The following USP13 variants were observed in gnomAD, a reference collection of about 807,000 sequenced individuals.
USP13 encodes the protein ubiquitin specific peptidase 13, also known as ubiquitin carboxyl-terminal hydrolase 13.
Under a neutral mutation model 107.8 loss-of-function variants are expected in USP13, and 68 were observed. The ratio of observed to expected loss-of-function variants is 0.63; its 90% CI spans 0.52 to 0.77. The LOEUF (loss-of-function observed/expected upper bound fraction) is 0.77. Among genes scored for constraint, USP13 ranks in the 30% least tolerant of loss-of-function variants. The probability of loss-of-function intolerance (pLI) is 0.00; values close to 1 mark genes in which losing one functional copy is unlikely to be tolerated. For missense variants in USP13, 945 were observed against 1,093.3 expected (o/e 0.86, Z 1.91); for synonymous variants, 377 against 389.5 (o/e 0.97, Z 0.38).
intron 10 of USP13, among the ~76,000 whole-genome samples, chr3:179,731,244 C>T (rs1278111669): frequency 6.6e-6 from 1 of 152,122 alleles, no homozygotes; most frequent in Non-Finnish European, 1.5e-5. Flanking sequence ...AACCCTGTCT[C>T]TACTAAAAAT....
chr3:179,659,157 ACT>A (rs1005617604), intron 1 of USP13, among the ~76,000 whole-genome samples: 5 of 151,800 alleles, frequency 3.3e-5, no homozygotes, highest in African/African-American at 1.2e-4. Flanking sequence ...GTCTTTGGAA[ACT>A]CTGATGGACA....
In USP13 at chr3:179,787,210, C is replaced by G. The variant is rs1411961925; in HGVS notation, c.*3069C>G. The G allele has an allele frequency of 6.6e-6, 1 of 152,198 alleles. No homozygotes were observed. Among genetic ancestry groups the G allele is most frequent in the African/African-American group, 2.4e-5 (1 of 41,444 alleles). The allele number at this position is 152,198 out of a possible 1,614,324, so 9.4% of individuals were successfully genotyped here. A position where few individuals can be genotyped will look rare whatever the true frequency, so the allele number is the denominator to read the frequency against. On this transcript the variant is annotated 3_prime_UTR_variant, in exon 21 of 21. Coordinates refer to ENST00000263966, the MANE Select transcript of USP13 (RefSeq NM_003940.3). ...GGAAGTCCAGCGGGGATAGCTCGAGCCTCTTGCTCCCTGAGTCATTTATTC... is the reference window on the plus strand; with the variant it reads ...GGAAGTCCAGCGGGGATAGCTCGAGGCTCTTGCTCCCTGAGTCATTTATTC...
intron 20 of USP13, 151 bp downstream of exon 20, chr3:179,781,974 A>G (rs972157069): frequency 1.6e-6 from 1 of 607,638 alleles, no homozygotes. Flanking sequence ...TTGCACATCA[A>G]GACACCGAGA....
rs185362781 is a variant in USP13, at chr3:179,769,014, C to T, written c.2413+3166C>T. Among the ~76,000 whole-genome samples, 44 of 152,182 alleles carry T rather than the reference C, an allele frequency of 2.9e-4. No individual in the cohort carries two copies. In the South Asian group the frequency reaches 4.4e-3, roughly 15 times the overall value. On this transcript the variant is annotated intron_variant, in intron 19 of 20. Transcript: ENST00000263966. ...AATTAAAAATTACAATCTTACTCCC[C>T]GGCAATAATGACAAAATAATGTTTT...
chr3:179,736,348 G>C (rs1384732854), intron 10 of USP13, among the ~76,000 whole-genome samples: 1 of 152,216 alleles, frequency 6.6e-6, no homozygotes, highest in African/African-American at 2.4e-5. Context: ...TAATAACTAG[G>C]TGTGAAGTGA....
At chr3:179,694,643 T>C (rs1712223630) in intron 3 of USP13, among the ~76,000 whole-genome samples, 1 of 151,780 alleles carries the variant, frequency 6.6e-6, no homozygotes, top group Non-Finnish European at 1.5e-5. Flanking sequence ...CTACTAAAAA[T>C]ACAAAAAATT....
At chr3:179,783,963 G>T in intron 20 of USP13, 85 bp from the exon 21 acceptor site, 2 of 1,036,590 alleles carry the variant, frequency 1.9e-6, no homozygotes, top group Non-Finnish European at 2.9e-6. Context: ...GTTAAGTGTT[G>T]TGCGCCATAT....
intron 3 of USP13, among the ~76,000 whole-genome samples, chr3:179,696,478 T>C (rs546416529): frequency 1.2e-4 from 18 of 152,132 alleles, no homozygotes; most frequent in Admixed American, 3.9e-4. Flanking sequence ...TTACAGGCGC[T>C]GGCCACCACA....
intron 13 of USP13, among the ~76,000 whole-genome samples, chr3:179,747,100 C>T (rs1253256865): frequency 6.6e-6 from 1 of 152,142 alleles, no homozygotes; most frequent in East Asian, 1.9e-4. Context: ...TAGGACTGCT[C>T]AGTTGTAGGT....
At chr3:179,664,494 A>C (rs1720533451) in intron 1 of USP13, among the ~76,000 whole-genome samples, 1 of 152,172 alleles carries the variant, frequency 6.6e-6, no homozygotes, top group African/African-American at 2.4e-5. Context: ...TGAATGTTTT[A>C]TATGTTGTGA....
Position 179,758,242 on chromosome 3 carries a change from G to A in USP13, c.1948+1164G>A, listed in dbSNP as rs536642055. Among the ~76,000 whole-genome samples the A allele has an allele frequency of 3.9e-5, 6 of 152,190 alleles. No homozygotes were observed. The South Asian group carries it at 8.3e-4, about 21-fold the overall frequency. On this transcript the variant is annotated intron_variant, in intron 16 of 20. Transcript: ENST00000263966. ...GCTTCTCATGCCACTAGACTATCCT[G>A]GCATGTGAGAGGTTTGCTGGTTGCG...
intron 15 of USP13, among the ~76,000 whole-genome samples, chr3:179,756,624 G>A (rs1441465129): frequency 6.6e-6 from 1 of 151,980 alleles, no homozygotes; most frequent in Non-Finnish European, 1.5e-5. Flanking sequence ...GGTGACTGGT[G>A]ACATGTGCCT....
chr3:179,757,402 T>G (rs1462832689), intron 16 of USP13, among the ~76,000 whole-genome samples: 1 of 152,238 alleles, frequency 6.6e-6, no homozygotes, highest in East Asian at 1.9e-4. Flanking sequence ...CCATGGCTAC[T>G]GAGTAGACCT....
chr3:179,704,869 A>G (rs1712658609), intron 4 of USP13, among the ~76,000 whole-genome samples: 1 of 152,168 alleles, frequency 6.6e-6, no homozygotes, highest in African/African-American at 2.4e-5. Flanking sequence ...TGAGTAGCTC[A>G]ATGTCATCAA....
At chr3:179,672,567 G>A (rs556179190) in intron 1 of USP13, among the ~76,000 whole-genome samples, 1 of 151,906 alleles carries the variant, frequency 6.6e-6, no homozygotes, top group East Asian at 1.9e-4. Flanking sequence ...TTGTTAGCTG[G>A]GACTACAGGT....
At chr3:179,728,654 G>C (rs1713666610) in intron 8 of USP13, among the ~76,000 whole-genome samples, 1 of 152,104 alleles carries the variant, frequency 6.6e-6, no homozygotes, top group African/African-American at 2.4e-5. Context: ...ATGTTGTAGC[G>C]AGCCGAGATC....
chr3:179,667,943 C>T (rs1019557913), intron 1 of USP13, among the ~76,000 whole-genome samples: 1 of 152,014 alleles, frequency 6.6e-6, no homozygotes, highest in Non-Finnish European at 1.5e-5. Flanking sequence ...CCACCGTGCC[C>T]GGCTGATTCG....
intron 13 of USP13, 46 bp from the exon 14 acceptor site, chr3:179,752,239 A>G: frequency 6.4e-7 from 1 of 1,555,558 alleles, no homozygotes; most frequent in Non-Finnish European, 8.9e-7. Flanking sequence ...TGTATTCACA[A>G]TTCTTATTGC....
intron 1 of USP13, among the ~76,000 whole-genome samples, chr3:179,665,583 T>A (rs1163091772): frequency 6.6e-6 from 1 of 152,110 alleles, no homozygotes; most frequent in Non-Finnish European, 1.5e-5. Flanking sequence ...TTATAGGATA[T>A]TTAAGGCTTT....
Sources: gnomAD v4.1 joint callset for allele counts (sites outside exome capture counted in the v4.1 genomes callset) on GRCh38, gnomAD v4.1.1 for gene constraint, MANE v1.5 for transcripts, NCBI Gene and HGNC (gene_info 2026-07-23, HGNC 2026-07-21) for gene names.